PCDHGA4: variants seen among roughly 807,000 people sequenced by gnomAD.
PCDHGA4 encodes protocadherin gamma subfamily A, 4.
In PCDHGA4, 38 loss-of-function variants were observed where a neutral mutation model predicts 54.6. The ratio of observed to expected loss-of-function variants is 0.70; its 90% CI spans 0.54 to 0.91. PCDHGA4 has a LOEUF of 0.91. PCDHGA4 is among the 40% of genes least tolerant of loss of function. The pLI is 0.00. For missense variants in PCDHGA4, 1,298 were observed against 1,220.9 expected, an observed-to-expected ratio of 1.06 and a Z score of -0.94; for synonymous variants, 511 against 512.9, an observed-to-expected ratio of 1.00 and a Z score of 0.05.
chr5:141,505,413 C>T lies in PCDHGA4; in HGVS notation c.2594C>T (p.Thr865Ile), dbSNP rs1240988786. ...CCCAGCTCCCAAAATGGCGATGACA[C>T]CGGCACCTGGCCCAACAACCAGTTT... is the stretch of plus-strand genomic sequence containing the variant. ...GTSGSQNGDD[T>I]GTWPNNQFDT... Residue 865 changes from threonine to isoleucine, a missense_variant, in exon 3 of 4, where the codon ACC becomes ATC. By Grantham distance (89) the Thr-to-Ile change is moderately conservative. Coordinates refer to ENST00000571252, the MANE Select transcript of PCDHGA4 (RefSeq NM_018917.4). 10 of 1,614,202 alleles carry T rather than the reference C, an allele frequency of 6.2e-6. No homozygotes were observed. Among genetic ancestry groups the T allele is most frequent in the Non-Finnish European group, 7.6e-6 (9 of 1,180,046 alleles).
chr5:141,402,955 G>A (rs753305536), intron 1 of PCDHGA4: 3 of 1,601,910 alleles, frequency 1.9e-6, no homozygotes, highest in Non-Finnish European at 2.6e-6. Context: ...AGGCAGCAAT[G>A]GCAGCTCCAA....
chr5:141,404,917 G>A (rs750464541), intron 1 of PCDHGA4: 37 of 1,613,652 alleles, frequency 2.3e-5, no homozygotes, highest in Middle Eastern at 3.3e-4. Flanking sequence ...CCCCTCTCTC[G>A]GCCACTGTCA....
Position 141,389,814 on chromosome 5 carries a change from G to C in PCDHGA4, c.2514+32193G>C, listed in dbSNP as rs753211260. 2.0e-5 allele frequency: 32 copies of C among 1,613,868 alleles called. No individual in the cohort carries two copies. In the Admixed American group the frequency reaches 5.0e-4, roughly 25 times the overall value. ...CGTCCGCCAGCGCCTTCTGGTCGCCGTGCGTGACGGTGGACAGCCACCACT... is the reference window on the plus strand; with the variant it reads ...CGTCCGCCAGCGCCTTCTGGTCGCCCTGCGTGACGGTGGACAGCCACCACT... On this transcript the variant is annotated intron_variant, in intron 1 of 3. Transcript: ENST00000571252.
intron 1 of PCDHGA4, chr5:141,426,591 A>G: frequency 1.4e-5 from 5 of 369,676 alleles, no homozygotes; most frequent in South Asian, 7.9e-5. Context: ...CCTCTGTGTC[A>G]TACCCTTAGA....
At position 141,505,495 on chromosome 5, in the gene PCDHGA4, G is replaced by A. The variant is rs767547572; in HGVS notation, c.2662+14G>A. On this transcript the variant is annotated intron_variant, in intron 3 of 3. Transcript: ENST00000571252. ...CGTCCGCCAGTGGTAAGTGGTGTCA[G>A]TGTGTGTATGGAAGAGTGGGAGACC... The A allele has an allele frequency of 7.9e-5, 128 of 1,614,092 alleles. No homozygotes were observed. Among genetic ancestry groups the A allele is most frequent in the Non-Finnish European group, 1.0e-4 (123 of 1,180,008 alleles).
intron 3 of PCDHGA4, among the ~76,000 whole-genome samples, chr5:141,507,645 G>A (rs565235954): frequency 6.6e-6 from 1 of 152,382 alleles, no homozygotes; most frequent in South Asian, 2.1e-4. Flanking sequence ...CTGAGGCCAG[G>A]AAGCAGCTTT....
At chr5:141,451,779 G>T (rs1284464259) in intron 1 of PCDHGA4, among the ~76,000 whole-genome samples, 1 of 152,070 alleles carries the variant, frequency 6.6e-6, no homozygotes, top group Non-Finnish European at 1.5e-5. Flanking sequence ...TACTCAGGAG[G>T]CTGAGGCCAG....
Position 141,486,829 on chromosome 5 carries a change from T to A in PCDHGA4, c.2515-7978T>A. 1 of 1,614,178 alleles carries A rather than the reference T, an allele frequency of 6.2e-7. No individual in the cohort carries two copies. On this transcript the variant is annotated intron_variant, in intron 1 of 3. Coordinates refer to ENST00000571252, the MANE Select transcript of PCDHGA4 (RefSeq NM_018917.4). The surrounding 1 kb of genome is among the most constrained non-coding windows in gnomAD (Gnocchi z 5.0). ...CCCTTAGCAGCACTGTAACAGTTCG[T>A]CTATTTGTGCTGGACCTCAATGACA...
intron 1 of PCDHGA4, chr5:141,362,580 C>T: frequency 6.2e-7 from 1 of 1,603,290 alleles, no homozygotes; most frequent in Non-Finnish European, 8.5e-7. Flanking sequence ...AATTTATTTT[C>T]ACTTCTGGTT....
At chr5:141,460,134 T>TCAAAGA in intron 1 of PCDHGA4, among the ~76,000 whole-genome samples, 1 of 152,066 alleles carries the variant, frequency 6.6e-6, no homozygotes, top group South Asian at 2.1e-4. Flanking sequence ...AATATATATA[T>TCAAAGA]TCTTGATGTG....
intron 1 of PCDHGA4, chr5:141,392,933 C>A: frequency 6.2e-7 from 1 of 1,613,930 alleles, no homozygotes; most frequent in Non-Finnish European, 8.5e-7. Flanking sequence ...AAGAGACGGA[C>A]AAAGGCTCCT....
rs776685212 is a variant in PCDHGA4 at position 141,370,880 on chromosome 5, A to T, written c.2514+13259A>T. The stretch of plus-strand genomic sequence containing the variant: ...TGGAATCTGCGCAAGATCCTGATGT[A>T]GGTGTCAATTCGCTGCAGCAGTACT... On this transcript the variant is annotated intron_variant, in intron 1 of 3. Coordinates refer to ENST00000571252, the MANE Select transcript of PCDHGA4 (RefSeq NM_018917.4). 4 of 1,614,042 alleles carry T rather than the reference A, an allele frequency of 2.5e-6. No individual in the cohort carries two copies. In the South Asian group the frequency reaches 3.3e-5, roughly 13 times the overall value.
chr5:141,384,372 G>C, intron 1 of PCDHGA4: 1 of 1,613,854 alleles, frequency 6.2e-7, no homozygotes, highest in South Asian at 1.1e-5. Context: ...CTTATTCCTT[G>C]GCCGAAGACA....
In PCDHGA4 at chr5:141,357,204, C is replaced by T. The variant is rs1216545771; in HGVS notation, c.2097C>T (p.Ile699=). 1.2e-6 allele frequency: 2 copies of T among 1,613,716 alleles called. No individual in the cohort carries two copies. The highest frequency in any genetic ancestry group is 1.3e-5 in the African/African-American group (1 of 74,940). Residue 699 remains isoleucine, a synonymous_variant, in exon 1 of 4, where the codon ATC becomes ATT. Transcript: ENST00000571252. The part of the protein sequence containing the change: ...VTLTVAVADS[I]PDVLADLGSL... ...TCACTGTGGCTGTGGCCGACAGCAT[C>T]CCAGATGTCCTGGCTGACTTGGGCA...
intron 1 of PCDHGA4, chr5:141,371,248 G>A (rs1561550190): frequency 6.2e-7 from 1 of 1,614,024 alleles, no homozygotes; most frequent in Admixed American, 1.7e-5. Context: ...ATCAATATTG[G>A]CAAGGAAGTG....
chr5:141,393,577 T>C (rs781192019), intron 1 of PCDHGA4: 1 of 1,613,890 alleles, frequency 6.2e-7, no homozygotes, highest in Admixed American at 1.7e-5. Flanking sequence ...CTTGAGAACA[T>C]GCCCCCAGGC....
At chr5:141,421,535 G>GT (rs975619932) in intron 1 of PCDHGA4, 8 of 1,614,032 alleles carry the variant, frequency 5.0e-6, no homozygotes, top group Non-Finnish European at 6.8e-6. Flanking sequence ...GTGTCCTCCT[G>GT]TTTTTTAAAT....
chr5:141,480,371 C>T (rs1562080299), intron 1 of PCDHGA4, among the ~76,000 whole-genome samples: 1 of 151,908 alleles, frequency 6.6e-6, no homozygotes, highest in African/African-American at 2.4e-5. Flanking sequence ...GCTGTGATTG[C>T]ACCACTACAC....
chr5:141,458,888 T>C (rs756640295), intron 1 of PCDHGA4, among the ~76,000 whole-genome samples: 3 of 152,118 alleles, frequency 2.0e-5, no homozygotes, highest in Non-Finnish European at 2.9e-5. Flanking sequence ...ATGCACACCA[T>C]GCGCAGCTAA....
Sources: allele counts gnomAD v4.1 joint callset (sites outside exome capture counted in the v4.1 genomes callset), GRCh38; gene constraint gnomAD v4.1.1; non-coding constraint Gnocchi (gnomAD v3.1); transcripts MANE v1.5; gene names NCBI Gene and HGNC (gene_info 2026-07-23, HGNC 2026-07-21).